The following AKAP13 variants were observed in gnomAD, a reference collection of about 807,000 sequenced individuals.
The protein encoded by AKAP13 is A-kinase anchor protein 13.
In AKAP13, 80 loss-of-function variants were observed where a neutral mutation model predicts 264.5. The ratio of observed to expected loss-of-function variants is 0.30; its 90% CI spans 0.25 to 0.36. AKAP13 has a LOEUF of 0.36. Ranked by LOEUF, AKAP13 falls within the 10% of genes least tolerant of loss-of-function variation. The pLI is 1.00. For synonymous variants in AKAP13, 1,380 were observed against 1,250.2 expected (o/e 1.10, Z -2.19); for missense variants, 3,712 against 3,435.2 (o/e 1.08, Z -2.01).
chr15:85,575,206 T>C lies in AKAP13; in HGVS notation c.738T>C (p.His246=), dbSNP rs764127687. 2.5e-6 allele frequency: 4 copies of C among 1,614,174 alleles called. No individual in the cohort carries two copies. In the Admixed American group the frequency reaches 6.7e-5, roughly 27 times the overall value. Residue 246 remains histidine (H), a synonymous_variant, in exon 6 of 37, where the codon CAT becomes CAC. Coordinates refer to ENST00000394518, the MANE Select transcript of AKAP13 (RefSeq NM_007200.5). ...CGTATGGAGACTGTTCTGTGAGGCA[T>C]CATCGAGAGTTGGACATCTATACAT... The part of the protein sequence containing the change: ...EIPYGDCSVR[H]HRELDIYTLT...
intron 1 of AKAP13, among the ~76,000 whole-genome samples, chr15:85,468,092 A>G (rs1047942176): frequency 1.3e-5 from 2 of 152,242 alleles, no homozygotes; most frequent in African/African-American, 4.8e-5. Flanking sequence ...AATGAATATT[A>G]TAAGACTATG....
At chr15:85,396,031 C>G (rs1032564353) in intron 1 of AKAP13, among the ~76,000 whole-genome samples, 3 of 151,976 alleles carry the variant, frequency 2.0e-5, no homozygotes, top group Non-Finnish European at 4.4e-5. Flanking sequence ...TACACACACA[C>G]ACACACACAC....
At chr15:85,733,941 G>A (rs750403461) in intron 30 of AKAP13, among the ~76,000 whole-genome samples, 20 of 131,276 alleles carry the variant, frequency 1.5e-4, no homozygotes, top group East Asian at 6.4e-4. Flanking sequence ...GCAATGGTGC[G>A]ATCTTGGCTC....
At chr15:85,423,959 T>C (rs996298907) in intron 1 of AKAP13, among the ~76,000 whole-genome samples, 3 of 152,218 alleles carry the variant, frequency 2.0e-5, no homozygotes, top group Non-Finnish European at 4.4e-5. Context: ...GTCTTTTTTT[T>C]CTGGGCAGTA....
At chr15:85,567,918 A>G (rs1359398720) in intron 5 of AKAP13, among the ~76,000 whole-genome samples, 1 of 151,070 alleles carries the variant, frequency 6.6e-6, no homozygotes, top group Non-Finnish European at 1.5e-5. Context: ...AAGTATATAA[A>G]TACCTATTAA....
chr15:85,400,505 T>A (rs1430024267), intron 1 of AKAP13, among the ~76,000 whole-genome samples: 2 of 152,194 alleles, frequency 1.3e-5, no homozygotes, highest in African/African-American at 4.8e-5. Flanking sequence ...ATTGACATCA[T>A]GGTTTAGATA....
At chr15:85,448,488 T>C (rs1350079184) in intron 1 of AKAP13, among the ~76,000 whole-genome samples, 1 of 152,206 alleles carries the variant, frequency 6.6e-6, no homozygotes, top group African/African-American at 2.4e-5. Flanking sequence ...CCAGGGTTTT[T>C]ATAGATTTGG....
chr15:85,636,911 G>A (rs963216089), intron 8 of AKAP13, among the ~76,000 whole-genome samples: 6 of 152,124 alleles, frequency 3.9e-5, no homozygotes, highest in Non-Finnish European at 7.3e-5. Context: ...CGCCGCTCCC[G>A]GCCCCAAATT....
chr15:85,502,928 C>A (rs2076074593), intron 2 of AKAP13, among the ~76,000 whole-genome samples: 2 of 152,156 alleles, frequency 1.3e-5, no homozygotes, highest in African/African-American at 4.8e-5. Context: ...TATTACCATA[C>A]TTTATTTGGC....
chr15:85,418,406 G>A (rs1256404970), intron 1 of AKAP13, among the ~76,000 whole-genome samples: 1 of 152,144 alleles, frequency 6.6e-6, no homozygotes, highest in East Asian at 1.9e-4. Context: ...CAAAGTCAGT[G>A]TGTGTATTTT....
At chr15:85,457,484 C>A (rs1333494453) in intron 1 of AKAP13, among the ~76,000 whole-genome samples, 1 of 152,172 alleles carries the variant, frequency 6.6e-6, no homozygotes, top group Non-Finnish European at 1.5e-5. Context: ...CAGCAGTGTA[C>A]AGAATTGGAG....
chr15:85,409,464 C>T (rs528616312), intron 1 of AKAP13, among the ~76,000 whole-genome samples: 1 of 151,738 alleles, frequency 6.6e-6, no homozygotes, highest in South Asian at 2.1e-4. Context: ...AGGTATGAGC[C>T]ACCCTATCAG....
At chr15:85,429,135 TA>T (rs1264609514) in intron 1 of AKAP13, among the ~76,000 whole-genome samples, 1 of 152,228 alleles carries the variant, frequency 6.6e-6, no homozygotes, top group Non-Finnish European at 1.5e-5. Context: ...ATTACTCTCT[TA>T]TTTAGAATGG....
chr15:85,620,469 C>G (rs149216944), intron 8 of AKAP13, among the ~76,000 whole-genome samples: 1 of 152,118 alleles, frequency 6.6e-6, no homozygotes, highest in South Asian at 2.1e-4. Flanking sequence ...GAGAAATTCA[C>G]CTTCCAAGTT....
At chr15:85,443,283 T>C (rs2073775766) in intron 1 of AKAP13, among the ~76,000 whole-genome samples, 1 of 152,192 alleles carries the variant, frequency 6.6e-6, no homozygotes, top group South Asian at 2.1e-4. Context: ...GGCCCTGTTT[T>C]AGCTTTGGTG....
At chr15:85,673,838 A>G (rs1191797490) in intron 14 of AKAP13, among the ~76,000 whole-genome samples, 2 of 142,936 alleles carry the variant, frequency 1.4e-5, no homozygotes, top group African/African-American at 5.3e-5. Context: ...GGTGCCCGCC[A>G]CCACACCCGG....
intron 1 of AKAP13, among the ~76,000 whole-genome samples, chr15:85,404,428 C>T (rs2071573479): frequency 6.6e-6 from 1 of 152,200 alleles, no homozygotes; most frequent in South Asian, 2.1e-4. Flanking sequence ...ATTTATTTAT[C>T]ATCATGTGCC....
intron 4 of AKAP13, among the ~76,000 whole-genome samples, chr15:85,541,198 G>A (rs796795684): frequency 2.0e-5 from 3 of 152,174 alleles, no homozygotes; most frequent in South Asian, 2.1e-4. Context: ...ACCTAAAATT[G>A]TAACTACATA....
At chr15:85,529,514 C>A (rs889568125) in intron 3 of AKAP13, among the ~76,000 whole-genome samples, 10 of 152,166 alleles carry the variant, frequency 6.6e-5, no homozygotes, top group Non-Finnish European at 1.5e-5. Flanking sequence ...ATGTCTCTAG[C>A]GCTAATTTAT....
Sources: allele counts gnomAD v4.1 joint callset (sites outside exome capture counted in the v4.1 genomes callset), GRCh38; gene constraint gnomAD v4.1.1; transcripts MANE v1.5; gene names NCBI Gene and HGNC (gene_info 2026-07-23, HGNC 2026-07-21).